Variants in NRXN1 observed in about 807,000 individuals in gnomAD.
The protein encoded by NRXN1 is neurexin-1.
Under a neutral mutation model 150.9 loss-of-function variants are expected in NRXN1, and 39 were observed. The observed-to-expected ratio is 0.26, with a 90% CI of 0.20 to 0.34. NRXN1 has a LOEUF of 0.34. Among genes scored for constraint, NRXN1 ranks in the 10% least tolerant of loss-of-function variants. The probability of loss-of-function intolerance (pLI) is 1.00; values close to 1 mark genes in which losing one functional copy is unlikely to be tolerated. For missense variants in NRXN1, 1,815 were observed against 1,949.9 expected, an observed-to-expected ratio of 0.93 and a Z score of 1.30; for synonymous variants, 924 against 757.0, an observed-to-expected ratio of 1.22 and a Z score of -3.62.
At chr2:50,897,796 A>G (rs1377509241) in intron 5 of NRXN1, among the ~76,000 whole-genome samples, 2 of 152,204 alleles carry the variant, frequency 1.3e-5, no homozygotes, top group Non-Finnish European at 2.9e-5. Context: ...AATCTTCACA[A>G]TCTTTGGAAA....
intron 2 of NRXN1, among the ~76,000 whole-genome samples, chr2:51,015,434 G>C (rs1044408899): frequency 2.0e-5 from 3 of 151,974 alleles, no homozygotes; most frequent in African/African-American, 7.2e-5. Context: ...TAAGGATTTT[G>C]TCCAGGATGG....
chr2:50,959,275 G>C (rs764695549), intron 2 of NRXN1, among the ~76,000 whole-genome samples: 3 of 151,920 alleles, frequency 2.0e-5, no homozygotes, highest in African/African-American at 7.2e-5. Context: ...TCAAGAGAAC[G>C]GAAAATATAT....
intron 8 of NRXN1, among the ~76,000 whole-genome samples, chr2:50,566,298 C>T (rs1036067858): frequency 1.3e-5 from 2 of 152,040 alleles, no homozygotes; most frequent in Non-Finnish European, 2.9e-5. Flanking sequence ...GGCTGGAGTA[C>T]AGTGGCATGA....
chr2:51,020,540 C>T lies in NRXN1; in HGVS notation c.772+6962G>A, dbSNP rs183111817. ...TTTATAATACTATTAGCATTCACAA[C>T]GTCCTACAGCAATCTACCTGCTACC... On this transcript the variant is annotated intron_variant, in intron 2 of 22. Transcript: ENST00000401669. Among the ~76,000 whole-genome samples the T allele has an allele frequency of 3.6e-4, 54 of 152,016 alleles. 1 individual carries two copies. The highest frequency in any genetic ancestry group is 1.2e-3 in the African/African-American group (50 of 41,502).
intron 5 of NRXN1, among the ~76,000 whole-genome samples, chr2:50,714,375 T>C (rs1469775275): frequency 2.6e-5 from 4 of 152,094 alleles, no homozygotes; most frequent in Admixed American, 2.0e-4. Context: ...TTCAGTGTCA[T>C]TGCCTTGGAA....
intron 17 of NRXN1, among the ~76,000 whole-genome samples, chr2:50,370,858 T>C (rs754896829): frequency 6.6e-5 from 10 of 152,012 alleles, no homozygotes; most frequent in Non-Finnish European, 1.3e-4. Context: ...TTGCTAAGAC[T>C]GAAAATTACC....
intron 21 of NRXN1, among the ~76,000 whole-genome samples, chr2:49,963,794 A>G (rs74783252): frequency 6.6e-6 from 1 of 152,224 alleles, no homozygotes; most frequent in African/African-American, 2.4e-5. Context: ...TAAATGACGA[A>G]TCTCTTTCAG....
intron 21 of NRXN1, among the ~76,000 whole-genome samples, chr2:49,966,852 A>G (rs1309694894): frequency 6.6e-6 from 1 of 152,134 alleles, no homozygotes; most frequent in East Asian, 1.9e-4. Flanking sequence ...AAACCAAAAG[A>G]GAAAAGGAGA....
intron 5 of NRXN1, among the ~76,000 whole-genome samples, chr2:50,780,756 T>A (rs1488211385): frequency 1.3e-5 from 2 of 152,138 alleles, no homozygotes; most frequent in African/African-American, 4.8e-5. Flanking sequence ...AATTTGTTTA[T>A]TAACCACTTT....
chr2:49,965,107 T>C (rs567848068), intron 21 of NRXN1, among the ~76,000 whole-genome samples: 22 of 152,110 alleles, frequency 1.4e-4, no homozygotes, highest in African/African-American at 5.3e-4. Context: ...CTCAAACTCC[T>C]GAGCTCCAAT....
intron 2 of NRXN1, among the ~76,000 whole-genome samples, chr2:51,024,099 T>C (rs1335749203): frequency 1.3e-5 from 2 of 152,236 alleles, no homozygotes; most frequent in African/African-American, 4.8e-5. Flanking sequence ...TGGATAGCTA[T>C]GAAATTCACT....
At chr2:50,362,757 T>C (rs1247250124) in intron 17 of NRXN1, among the ~76,000 whole-genome samples, 1 of 152,136 alleles carries the variant, frequency 6.6e-6, no homozygotes, top group Non-Finnish European at 1.5e-5. Flanking sequence ...AAATTTCATA[T>C]GGAATAAAAA....
At chr2:50,521,624 G>T (rs1320388442) in intron 12 of NRXN1, among the ~76,000 whole-genome samples, 2 of 152,144 alleles carry the variant, frequency 1.3e-5, no homozygotes, top group Non-Finnish European at 2.9e-5. Context: ...AAAGAGCCTT[G>T]CCCACTTGAC....
At chr2:50,803,226 G>A (rs1216775038) in intron 5 of NRXN1, among the ~76,000 whole-genome samples, 1 of 152,116 alleles carries the variant, frequency 6.6e-6, no homozygotes, top group Non-Finnish European at 1.5e-5. Context: ...ACTAATAAAT[G>A]TTTCAATTAC....
At chr2:50,935,001 T>C (rs1206478835) in intron 2 of NRXN1, among the ~76,000 whole-genome samples, 1 of 152,168 alleles carries the variant, frequency 6.6e-6, no homozygotes, top group Non-Finnish European at 1.5e-5. Flanking sequence ...TAATCTAATA[T>C]CGTCTTACTC....
At chr2:50,831,236 T>G (rs1345503530) in intron 5 of NRXN1, among the ~76,000 whole-genome samples, 1 of 152,208 alleles carries the variant, frequency 6.6e-6, no homozygotes, top group Admixed American at 6.5e-5. Context: ...ATCTACAACT[T>G]CATGCAACAA....
intron 5 of NRXN1, among the ~76,000 whole-genome samples, chr2:50,724,251 T>C (rs1390813591): frequency 1.3e-5 from 2 of 152,162 alleles, no homozygotes; most frequent in Non-Finnish European, 1.5e-5. Flanking sequence ...CAGTACTATA[T>C]AAGGTGCTTT....
chr2:49,970,964 C>A (rs932051759), intron 21 of NRXN1, among the ~76,000 whole-genome samples: 43 of 152,038 alleles, frequency 2.8e-4, no homozygotes, highest in African/African-American at 1.0e-3. Flanking sequence ...ATTAAATATT[C>A]ATTAACGCTG....
intron 5 of NRXN1, among the ~76,000 whole-genome samples, chr2:50,691,829 T>C (rs9309190): frequency 0.57 from 86,531 of 151,918 alleles, 25,497 homozygotes; most frequent in East Asian, 0.88. Context: ...TTTCTCTCTC[T>C]GAACTAAAAC....
Sources: gnomAD v4.1 joint callset for allele counts (sites outside exome capture counted in the v4.1 genomes callset) on GRCh38, gnomAD v4.1.1 for gene constraint, MANE v1.5 for transcripts, NCBI Gene and HGNC (gene_info 2026-07-23, HGNC 2026-07-21) for gene names.